SLIT2: variants seen among roughly 807,000 people sequenced by gnomAD.
The protein encoded by SLIT2 is slit guidance ligand 2, also known as slit homolog 2 protein.
SLIT2 carries 41 observed loss-of-function variants against 185.7 expected under a neutral mutation model. The observed-to-expected ratio is 0.22, with a 90% CI of 0.17 to 0.29. The LOEUF is 0.29. Among genes scored for constraint, SLIT2 ranks in the 10% least tolerant of loss-of-function variants. The probability of loss-of-function intolerance (pLI) is 1.00; values close to 1 mark genes in which losing one functional copy is unlikely to be tolerated. For synonymous variants in SLIT2, 693 were observed against 680.2 expected (o/e 1.02, Z -0.29); for missense variants, 1,571 against 1,909.0 (o/e 0.82, Z 3.30).
intron 4 of SLIT2, among the ~76,000 whole-genome samples, chr4:20,291,143 T>G (rs1351598950): frequency 6.6e-6 from 1 of 152,086 alleles, no homozygotes; most frequent in Admixed American, 6.6e-5. Flanking sequence ...CCTGGCATAT[T>G]AGACACCAGA....
chr4:20,472,385 T>TATATCTATA (rs1560453709), intron 5 of SLIT2, among the ~76,000 whole-genome samples: 4 of 39,270 alleles, frequency 1.0e-4, no homozygotes, highest in South Asian at 1.3e-3. Flanking sequence ...TCTATATATA[T>TATATCTATA]GTAGATATAT....
At chr4:20,426,546 AC>A (rs1728571952) in intron 4 of SLIT2, among the ~76,000 whole-genome samples, 1 of 152,220 alleles carries the variant, frequency 6.6e-6, no homozygotes, top group Non-Finnish European at 1.5e-5. Flanking sequence ...CTAGAGGTTG[AC>A]AGGTACGGCC....
rs1475880730 is a variant in SLIT2 at position 20,518,588 on chromosome 4, T to TATATATATATATA, written c.1059-794_1059-793insATATATATATATA. 5.8e-3 allele frequency among the ~76,000 whole-genome samples: 44 copies of TATATATATATATA among 7,556 alleles called. 1 individual carries two copies. Among genetic ancestry groups the TATATATATATATA allele is most frequent in the Middle Eastern group, 0.25 (1 of 4 alleles). 5.0% of individuals were successfully genotyped at this position (7,556 alleles called of 152,430 possible). On this transcript the variant is annotated intron_variant, in intron 11 of 36. Coordinates refer to ENST00000504154, the MANE Select transcript of SLIT2 (RefSeq NM_004787.4). ...ATATATATATATATATATATATATA[T>TATATATATATATA]TTTTTTTTTTTTTTTTTTTTTTTTT...
At chr4:20,269,872 G>C (rs893015394) in intron 4 of SLIT2, among the ~76,000 whole-genome samples, 1 of 151,712 alleles carries the variant, frequency 6.6e-6, no homozygotes, top group African/African-American at 2.4e-5. Context: ...CCCAAGAATA[G>C]CCAGGATCTT....
chr4:20,472,993 C>G (rs1484827523), intron 5 of SLIT2, among the ~76,000 whole-genome samples: 1 of 151,626 alleles, frequency 6.6e-6, no homozygotes, highest in Non-Finnish European at 1.5e-5. Context: ...AGTCACATCA[C>G]AAAAACAAAA....
intron 4 of SLIT2, among the ~76,000 whole-genome samples, chr4:20,307,282 A>C (rs886965159): frequency 1.3e-4 from 8 of 60,938 alleles, no homozygotes; most frequent in South Asian, 4.8e-4. Flanking sequence ...TTCCTTCCTT[A>C]AACTAAGGGT....
chr4:20,409,763 C>G (rs765888066), intron 4 of SLIT2, among the ~76,000 whole-genome samples: 2 of 152,152 alleles, frequency 1.3e-5, no homozygotes, highest in Non-Finnish European at 2.9e-5. Flanking sequence ...AATAGCTATT[C>G]TTACTGGTGT....
intron 21 of SLIT2, 69 bp from the exon 22 acceptor site, chr4:20,545,962 A>G (rs1723212231): frequency 1.2e-6 from 1 of 849,532 alleles, no homozygotes; most frequent in South Asian, 1.8e-5. Context: ...AGAGTGAAGT[A>G]CTGTTTACTT....
At chr4:20,262,694 G>A (rs1424252089) in intron 3 of SLIT2, among the ~76,000 whole-genome samples, 2 of 151,780 alleles carry the variant, frequency 1.3e-5, no homozygotes, top group African/African-American at 4.8e-5. Flanking sequence ...TAAAATATAA[G>A]TGTTCCAAAA....
intron 4 of SLIT2, among the ~76,000 whole-genome samples, chr4:20,280,960 G>T (rs951720731): frequency 1.3e-4 from 20 of 151,494 alleles, no homozygotes; most frequent in African/African-American, 4.9e-4. Flanking sequence ...AACTTCCTGA[G>T]TAGTTGGGAT....
At chr4:20,569,781 T>C (rs1725413069) in intron 29 of SLIT2, among the ~76,000 whole-genome samples, 1 of 152,082 alleles carries the variant, frequency 6.6e-6, no homozygotes, top group Non-Finnish European at 1.5e-5. Context: ...AATGGAGAAG[T>C]AATTTTGATC....
At chr4:20,482,578 T>C (rs186868938) in intron 6 of SLIT2, among the ~76,000 whole-genome samples, 1 of 152,094 alleles carries the variant, frequency 6.6e-6, no homozygotes. Flanking sequence ...AAAAAGTGAC[T>C]TTAGCAAGAA....
Position 20,518,042 on chromosome 4 carries a change from T to A in SLIT2, c.1059-1340T>A, listed in dbSNP as rs1056722010. Among the ~76,000 whole-genome samples, 50 of 149,776 alleles carry A rather than the reference T, an allele frequency of 3.3e-4. 1 individual carries two copies. The highest frequency in any genetic ancestry group is 1.1e-3 in the African/African-American group (45 of 41,076). On this transcript the variant is annotated intron_variant, in intron 11 of 36. Transcript: ENST00000504154. ...CCTCTGGATGGCAAATCATCTGCCA[T>A]CTAAATATGTTTCCCTTTTATTTTG...
intron 4 of SLIT2, among the ~76,000 whole-genome samples, chr4:20,398,844 A>T (rs2109392019): frequency 6.6e-6 from 1 of 151,936 alleles, no homozygotes; most frequent in African/African-American, 2.4e-5. Context: ...TTAACTCTGT[A>T]TTTAGCTCCG....
chr4:20,460,557 A>G (rs980838440), intron 4 of SLIT2, among the ~76,000 whole-genome samples: 4 of 152,270 alleles, frequency 2.6e-5, no homozygotes, highest in South Asian at 2.1e-4. Context: ...CTGCTGTACA[A>G]TAGATCTCTG....
In SLIT2 at chr4:20,253,912, T is replaced by C; in HGVS notation, c.97T>C (p.Ser33Pro). 2 of 1,602,188 alleles carry C rather than the reference T, an allele frequency of 1.2e-6. No homozygotes were observed. The highest frequency in any genetic ancestry group is 1.7e-6 in the Non-Finnish European group (2 of 1,179,914). Reference sequence around the variant, plus strand: ...ACCGCAGGCGTGCCCGGCGCAGTGCTCTTGCTCGGGCAGCACAGTGGACTG... The same window carrying C: ...ACCGCAGGCGTGCCCGGCGCAGTGCCCTTGCTCGGGCAGCACAGTGGACTG... ...VAPQACPAQC[S>P]CSGSTVDCHG... Residue 33 changes from serine (S) to proline (P), a missense_variant, in exon 1 of 37, where the codon TCT (serine) becomes CCT (proline). Physicochemically the swap from Ser to Pro is moderately conservative, Grantham distance 74. This residue lies in a region of SLIT2 where 1,202 missense variants were observed against 1,416.4 expected (regional missense o/e 0.85). Coordinates refer to ENST00000504154, the MANE Select transcript of SLIT2 (RefSeq NM_004787.4).
chr4:20,412,595 C>A (rs1023846225), intron 4 of SLIT2, among the ~76,000 whole-genome samples: 12 of 151,962 alleles, frequency 7.9e-5, no homozygotes, highest in Non-Finnish European at 1.8e-4. Flanking sequence ...CATTTTATTT[C>A]AGATATCTGA....
chr4:20,600,796 CA>C (rs1728351446), intron 33 of SLIT2, among the ~76,000 whole-genome samples: 2 of 151,578 alleles, frequency 1.3e-5, no homozygotes, highest in African/African-American at 4.8e-5. Flanking sequence ...GGCTTATGAC[CA>C]AAAAAATTTT....
intron 4 of SLIT2, among the ~76,000 whole-genome samples, chr4:20,424,813 C>A (rs1318804340): frequency 6.6e-6 from 1 of 151,990 alleles, no homozygotes; most frequent in Non-Finnish European, 1.5e-5. Context: ...CTCTATATAT[C>A]CCTTAGTGGA....
Sources: allele counts gnomAD v4.1 joint callset (sites outside exome capture counted in the v4.1 genomes callset), GRCh38; gene constraint gnomAD v4.1.1; regional missense constraint gnomAD v4.1.1; transcripts MANE v1.5; gene names NCBI Gene and HGNC (gene_info 2026-07-23, HGNC 2026-07-21).